Variants in AACS observed in about 807,000 individuals in gnomAD.
AACS encodes the protein acetoacetyl-CoA synthetase, also known as acetoacetate-CoA ligase.
AACS carries 69 observed loss-of-function variants against 83.1 expected under a neutral mutation model. The ratio of observed to expected loss-of-function variants is 0.83; its 90% CI spans 0.68 to 1.01. AACS has a LOEUF of 1.01. Among genes scored for constraint, AACS ranks in the 50% least tolerant of loss-of-function variants. The pLI, the probability that AACS is intolerant of heterozygous loss-of-function variation, is 0.00. For synonymous variants in AACS, 333 were observed against 343.4 expected, an observed-to-expected ratio of 0.97 and a Z score of 0.33; for missense variants, 866 against 882.2, an observed-to-expected ratio of 0.98 and a Z score of 0.23.
Position 125,094,601 on chromosome 12 carries a change from G to A in AACS, c.570+3078G>A, listed in dbSNP as rs984321659. On this transcript the variant is annotated intron_variant, in intron 5 of 17. Coordinates refer to ENST00000316519, the MANE Select transcript of AACS (RefSeq NM_023928.5). The surrounding 1 kb of genome is among the most constrained non-coding windows in gnomAD (Gnocchi z 4.1). ...CTTTACTCGATGACACTGGGGGAAC[G>A]CGTTTCTGGCCTCCGTCACTCCCCT... 1.1e-4 allele frequency among the ~76,000 whole-genome samples: 17 copies of A among 152,130 alleles called. No individual in the cohort carries two copies. The highest frequency in any genetic ancestry group is 3.2e-3 in the Middle Eastern group (1 of 316).
At chr12:125,107,027 G>T (rs543333981) in intron 7 of AACS, 94 bp from the exon 8 acceptor site, 4 of 1,555,936 alleles carry the variant, frequency 2.6e-6, no homozygotes, top group South Asian at 1.2e-5. Context: ...TTTTCTGGGG[G>T]TAGAAACAGA....
intron 17 of AACS, among the ~76,000 whole-genome samples, chr12:125,137,357 T>C (rs933478382): frequency 6.6e-6 from 1 of 152,208 alleles, no homozygotes; most frequent in Admixed American, 6.5e-5. Flanking sequence ...AATTTTTGTA[T>C]TCTTAGTAAA....
chr12:125,101,641 AACACACACTCTAT>A (rs1274071189), intron 5 of AACS: 6 of 152,144 alleles, frequency 3.9e-5, no homozygotes, highest in Non-Finnish European at 8.8e-5. Flanking sequence ...TGGTAGTGTA[AACACACACTCTAT>A]ACTCTTCATA....
intron 17 of AACS, chr12:125,138,407 G>C (rs1957430487): frequency 6.6e-6 from 1 of 152,160 alleles, no homozygotes; most frequent in Non-Finnish European, 1.5e-5. Context: ...GGTACTTCTT[G>C]AATCAGTGAC....
intron 16 of AACS, 23 bp downstream of exon 16, chr12:125,134,875 C>T (rs552039419): frequency 1.4e-5 from 23 of 1,613,880 alleles, no homozygotes; most frequent in East Asian, 8.9e-5. Flanking sequence ...CCTCCCTGAG[C>T]GTTCTCCAGT....
rs192065027 is a variant in AACS, at chr12:125,130,244, G to A, written c.1549+784G>A. ...TTGCCAGGTATCCTTCCTGCCTTGC[G>A]TGTTTGCGTTTCACCGTTAAAGCCA... On this transcript the variant is annotated intron_variant, in intron 14 of 17. Transcript: ENST00000316519. The surrounding 1 kb of genome is among the most constrained non-coding windows in gnomAD (Gnocchi z 4.9). Among the ~76,000 whole-genome samples the A allele has an allele frequency of 1.2e-4, 18 of 152,382 alleles. No individual in the cohort carries two copies. Among genetic ancestry groups the A allele is most frequent in the Middle Eastern group, 3.4e-3 (1 of 294 alleles).
At chr12:125,111,913 C>T (rs1956961481) in intron 8 of AACS, among the ~76,000 whole-genome samples, 1 of 152,016 alleles carries the variant, frequency 6.6e-6, no homozygotes, top group African/African-American at 2.4e-5. Flanking sequence ...AGGAGGAGGG[C>T]CCATCATTTG....
At chr12:125,069,282 CT>C (rs1955794285) in intron 1 of AACS, among the ~76,000 whole-genome samples, 1 of 152,242 alleles carries the variant, frequency 6.6e-6, no homozygotes, top group Admixed American at 6.5e-5. Flanking sequence ...GGCACACATC[CT>C]CAGCAGCCTT....
chr12:125,116,177 C>T (rs1427653272), intron 9 of AACS, among the ~76,000 whole-genome samples: 2 of 151,970 alleles, frequency 1.3e-5, no homozygotes, highest in East Asian at 3.9e-4. Context: ...CATTTCAGGG[C>T]GGGAAGCCCG....
At chr12:125,100,125 C>T (rs1956684588) in intron 5 of AACS, among the ~76,000 whole-genome samples, 1 of 152,228 alleles carries the variant, frequency 6.6e-6, no homozygotes. Context: ...AAGCAATCCT[C>T]CCCACTCAGC....
At chr12:125,083,313 G>A (rs1419935815) in intron 3 of AACS, among the ~76,000 whole-genome samples, 1 of 152,296 alleles carries the variant, frequency 6.6e-6, no homozygotes, top group South Asian at 2.1e-4. Context: ...CCTAGAGTGA[G>A]CCAGATGGGA....
Position 125,134,853 on chromosome 12 carries a change from G to A in AACS, c.1678+1G>A. 6.2e-7 allele frequency: 1 copy of A among 1,614,110 alleles called. No individual in the cohort carries two copies. Among genetic ancestry groups the A allele is most frequent in the Non-Finnish European group, 8.5e-7 (1 of 1,180,022 alleles). ...GGCAGCTCGGAAATCTATAACATTG[G>A]TACGTGCTTCCCCTCCCTGAGCGTT... On this transcript the variant is annotated splice_donor_variant, in intron 16 of 17. Coordinates refer to ENST00000316519, the MANE Select transcript of AACS (RefSeq NM_023928.5). LOFTEE classifies it high-confidence loss of function.
intron 12 of AACS, 150 bp downstream of exon 12, chr12:125,125,174 G>C (rs1957227535): frequency 8.1e-7 from 1 of 1,239,150 alleles, no homozygotes; most frequent in Non-Finnish European, 1.1e-6. Context: ...AGGCAGTGAT[G>C]TTCCACGAAG....
Position 125,097,729 on chromosome 12 carries a change from A to G in AACS, c.571-4950A>G, listed in dbSNP as rs1163952811. Among the ~76,000 whole-genome samples the G allele has an allele frequency of 6.6e-6, 1 of 152,198 alleles. No individual in the cohort carries two copies. Among genetic ancestry groups the G allele is most frequent in the Non-Finnish European group, 1.5e-5 (1 of 68,036 alleles). On this transcript the variant is annotated intron_variant, in intron 5 of 17. Coordinates refer to ENST00000316519, the MANE Select transcript of AACS (RefSeq NM_023928.5). The surrounding 1 kb of genome is among the most constrained non-coding windows in gnomAD (Gnocchi z 4.3). ...CTGGCGGGGCTGCCAGAAGTTCTCA[A>G]GACTCAGTGAGCCCCAGAGGAGCTC...
chr12:125,124,399 C>T, intron 10 of AACS: 1 of 345,176 alleles, frequency 2.9e-6, no homozygotes, highest in East Asian at 5.2e-5. Context: ...TTTGGTCCCC[C>T]AAGATACAAT....
intron 9 of AACS, 139 bp from the exon 10 acceptor site, chr12:125,118,502 C>G: frequency 8.7e-7 from 1 of 1,155,774 alleles, no homozygotes; most frequent in Admixed American, 2.6e-5. Context: ...GCCAGAGTGT[C>G]CTGCATTTGA....
At chr12:125,087,409 T>G (rs1053158736) in intron 4 of AACS, among the ~76,000 whole-genome samples, 2 of 152,262 alleles carry the variant, frequency 1.3e-5, no homozygotes, top group Admixed American at 6.5e-5. Flanking sequence ...GGCCTGTGCA[T>G]GGACCTGTTC....
At chr12:125,091,377 C>T (rs1956481289) in intron 4 of AACS, 49 bp from the exon 5 acceptor site, 3 of 1,586,066 alleles carry the variant, frequency 1.9e-6, no homozygotes, top group Non-Finnish European at 2.6e-6. Context: ...ACATCTGCTA[C>T]CTCCCATACA....
chr12:125,092,455 A>G (rs1165154326), intron 5 of AACS: 1 of 152,316 alleles, frequency 6.6e-6, no homozygotes. Context: ...TTGCTTTTTC[A>G]GTAAGGTTTT....
Sources: allele counts gnomAD v4.1 joint callset (sites outside exome capture counted in the v4.1 genomes callset), GRCh38; gene constraint gnomAD v4.1.1; non-coding constraint Gnocchi (gnomAD v3.1); transcripts MANE v1.5; gene names NCBI Gene and HGNC (gene_info 2026-07-23, HGNC 2026-07-21).